Variants in PTPRK observed in about 807,000 individuals in gnomAD.
PTPRK encodes receptor-type tyrosine-protein phosphatase kappa.
Under a neutral mutation model 178.0 loss-of-function variants are expected in PTPRK, and 75 were observed. The ratio of observed to expected loss-of-function variants is 0.42; its 90% CI spans 0.35 to 0.51. The LOEUF (loss-of-function observed/expected upper bound fraction) is 0.51. Among genes scored for constraint, PTPRK ranks in the 20% least tolerant of loss-of-function variants. PTPRK has a pLI of 0.02. For synonymous variants in PTPRK, 637 were observed against 620.6 expected, an observed-to-expected ratio of 1.03 and a Z score of -0.39; for missense variants, 1,441 against 1,797.8, an observed-to-expected ratio of 0.80 and a Z score of 3.59.
At chr6:128,103,134 G>A (rs1440635881) in intron 7 of PTPRK, among the ~76,000 whole-genome samples, 1 of 152,274 alleles carries the variant, frequency 6.6e-6, no homozygotes, top group South Asian at 2.1e-4. Context: ...CAGAGAAGGA[G>A]AGAAGACAAG....
chr6:128,200,678 C>G (rs1207424283), intron 6 of PTPRK, among the ~76,000 whole-genome samples: 1 of 150,964 alleles, frequency 6.6e-6, no homozygotes, highest in African/African-American at 2.4e-5. Flanking sequence ...CTGTAGTGAA[C>G]CAGTCTAGGT....
At chr6:128,077,186 A>G (rs1783981796) in intron 11 of PTPRK, among the ~76,000 whole-genome samples, 1 of 152,068 alleles carries the variant, frequency 6.6e-6, no homozygotes, top group African/African-American at 2.4e-5. Flanking sequence ...TATCACAGGT[A>G]GGAACATGTG....
At chr6:128,518,913 A>G in intron 1 of PTPRK, 1 of 457,680 alleles carries the variant, frequency 2.2e-6, no homozygotes, top group Non-Finnish European at 4.5e-6. Flanking sequence ...ATGGAAGGGA[A>G]ATAAACGATT....
At chr6:128,270,925 G>T (rs532839216) in intron 3 of PTPRK, among the ~76,000 whole-genome samples, 1 of 152,034 alleles carries the variant, frequency 6.6e-6, no homozygotes, top group East Asian at 1.9e-4. Context: ...TAAAAGGAGA[G>T]GGCAGAACTG....
intron 13 of PTPRK, among the ~76,000 whole-genome samples, chr6:128,010,896 C>T (rs192570938): frequency 1.3e-5 from 2 of 151,058 alleles, no homozygotes; most frequent in East Asian, 3.9e-4. Flanking sequence ...CCATATATTC[C>T]GGCTGTAGGG....
chr6:128,312,120 G>T (rs1179264249), intron 3 of PTPRK, among the ~76,000 whole-genome samples: 1 of 152,146 alleles, frequency 6.6e-6, no homozygotes, highest in Non-Finnish European at 1.5e-5. Flanking sequence ...ACCCAGCAAG[G>T]CCTGTCTGTT....
chr6:128,272,440 A>G (rs1339080227), intron 3 of PTPRK, among the ~76,000 whole-genome samples: 3 of 152,196 alleles, frequency 2.0e-5, no homozygotes, highest in African/African-American at 7.2e-5. Flanking sequence ...AATGGGAAAA[A>G]ATTTTTACAA....
intron 7 of PTPRK, among the ~76,000 whole-genome samples, chr6:128,093,331 C>T (rs1787311269): frequency 6.6e-6 from 1 of 151,892 alleles, no homozygotes; most frequent in East Asian, 1.9e-4. Flanking sequence ...TGGTGGCTCA[C>T]CCCCATAATC....
Position 128,298,462 on chromosome 6 carries a change from A to T in PTPRK, c.495+23577T>A, listed in dbSNP as rs1303852854. Among the ~76,000 whole-genome samples the T allele has an allele frequency of 8.6e-5, 13 of 151,238 alleles. No individual in the cohort carries two copies. In the South Asian group the frequency reaches 1.0e-3, roughly 12 times the overall value. ...TATCCTTGATGAACATTGATGCAAA[A>T]ATCCTCAATAAAATACTGGCAAACC... On this transcript the variant is annotated intron_variant, in intron 3 of 29. Transcript: ENST00000368226.
chr6:128,176,643 C>G (rs1167818702), intron 7 of PTPRK, among the ~76,000 whole-genome samples: 1 of 151,692 alleles, frequency 6.6e-6, no homozygotes, highest in Non-Finnish European at 1.5e-5. Context: ...TTCCTTTGAA[C>G]ATGCTTTTTT....
In PTPRK at chr6:128,161,993, C is replaced by T. The variant is rs142378075; in HGVS notation, c.1162+22439G>A. 9.4e-3 allele frequency among the ~76,000 whole-genome samples: 1,424 copies of T among 151,592 alleles called. 22 individuals are homozygous for T. Among genetic ancestry groups the T allele is most frequent in the African/African-American group, 0.032 (1,345 of 41,444 alleles). On this transcript the variant is annotated intron_variant, in intron 7 of 29. Coordinates refer to ENST00000368226, the MANE Select transcript of PTPRK (RefSeq NM_002844.4). ...CATAATATAATCTAATATTCTTTCA[C>T]TAAGAACTATGAAACTCATATAACA...
chr6:128,007,142 A>G (rs1056092786), intron 14 of PTPRK, among the ~76,000 whole-genome samples: 2 of 150,848 alleles, frequency 1.3e-5, no homozygotes, highest in Non-Finnish European at 1.5e-5. Context: ...CTATATCTAT[A>G]CTTTTTTATA....
chr6:128,032,307 C>G (rs1038290583), intron 13 of PTPRK, among the ~76,000 whole-genome samples: 2 of 152,088 alleles, frequency 1.3e-5, no homozygotes, highest in Admixed American at 1.3e-4. Flanking sequence ...TTTTCAGCCC[C>G]TTTGTGGTTT....
intron 2 of PTPRK, among the ~76,000 whole-genome samples, chr6:128,390,110 T>C (rs1289475665): frequency 6.6e-6 from 1 of 152,084 alleles, no homozygotes; most frequent in African/African-American, 2.4e-5. Context: ...GAAGAGCACA[T>C]TGAAATAAGC....
chr6:128,361,471 A>G (rs1327807892), intron 2 of PTPRK, among the ~76,000 whole-genome samples: 1 of 152,218 alleles, frequency 6.6e-6, no homozygotes, highest in African/African-American at 2.4e-5. Context: ...AAATGCATAT[A>G]TGTCATGAGT....
chr6:128,279,212 T>TA (rs58937614), intron 3 of PTPRK, among the ~76,000 whole-genome samples: 7,470 of 145,446 alleles, frequency 0.051, 611 homozygotes, highest in African/African-American at 0.18. Flanking sequence ...GAGGTTAAAT[T>TA]AAAAAAAAAA....
intron 2 of PTPRK, among the ~76,000 whole-genome samples, chr6:128,324,320 T>C (rs1347678341): frequency 6.6e-6 from 1 of 152,174 alleles, no homozygotes; most frequent in Non-Finnish European, 1.5e-5. Flanking sequence ...AGTCATTTTT[T>C]CCTATTATAA....
chr6:128,086,079 A>G (rs1785756534), intron 8 of PTPRK, among the ~76,000 whole-genome samples: 1 of 152,178 alleles, frequency 6.6e-6, no homozygotes, highest in Admixed American at 6.5e-5. Context: ...GTCACTTCAC[A>G]TTTCCACATC....
chr6:128,053,626 A>G (rs1013028243), intron 13 of PTPRK, among the ~76,000 whole-genome samples: 2 of 152,092 alleles, frequency 1.3e-5, no homozygotes, highest in Non-Finnish European at 1.5e-5. Context: ...CCACATGTGG[A>G]CACTCTACTC....
Sources: gnomAD v4.1 joint callset for allele counts (sites outside exome capture counted in the v4.1 genomes callset) on GRCh38, gnomAD v4.1.1 for gene constraint, MANE v1.5 for transcripts, NCBI Gene and HGNC (gene_info 2026-07-23, HGNC 2026-07-21) for gene names.